The following ST3GAL3 variants were observed in gnomAD, a reference collection of about 807,000 sequenced individuals.
ST3GAL3 encodes ST3 beta-galactoside alpha-2,3-sialyltransferase 3.
A neutral mutation model predicts 50.1 loss-of-function variants in ST3GAL3; 21 were observed. The ratio of observed to expected loss-of-function variants is 0.42; its 90% CI spans 0.30 to 0.60. The LOEUF is 0.60. ST3GAL3 is among the 20% of genes least tolerant of loss of function. The probability of loss-of-function intolerance (pLI) is 0.19; values close to 1 mark genes in which losing one functional copy is unlikely to be tolerated. For synonymous variants in ST3GAL3, 183 were observed against 190.0 expected (o/e 0.96, Z 0.30); for missense variants, 353 against 489.4 (o/e 0.72, Z 2.63).
intron 9 of ST3GAL3, among the ~76,000 whole-genome samples, chr1:43,908,629 C>T (rs2080233147): frequency 7.1e-6 from 1 of 140,676 alleles, no homozygotes; most frequent in Admixed American, 7.2e-5. Context: ...CCTTGCCACT[C>T]TTTTTTTTTT....
rs567581878 is a variant in ST3GAL3 at position 43,725,195 on chromosome 1, TTTTTC to T, written c.-30-11024_-30-11020del. 6.3e-4 allele frequency among the ~76,000 whole-genome samples: 96 copies of T among 152,004 alleles called. No homozygotes were observed. In the East Asian group the frequency reaches 0.016, roughly 26 times the overall value. Reference sequence around the variant, plus strand: ...ACTCTTTACCTGCATGCTTTTTTCTTTTTTCTTTTCTTTTCTTTCTTTTTTTTGAG... The same window carrying T: ...ACTCTTTACCTGCATGCTTTTTTCTTTTTTCTTTTCTTTCTTTTTTTTGAG... On this transcript the variant is annotated intron_variant, in intron 1 of 11. Coordinates refer to ENST00000347631, the MANE Select transcript of ST3GAL3 (RefSeq NM_006279.5).
rs903677371 is a variant in ST3GAL3, at chr1:43,892,264, AT to A, written c.303-2108del. 3.2e-3 allele frequency among the ~76,000 whole-genome samples: 462 copies of A among 146,592 alleles called. 3 individuals are homozygous for A. The highest frequency in any genetic ancestry group is 0.011 in the African/African-American group (433 of 39,982). On this transcript the variant is annotated intron_variant, in intron 5 of 11. Transcript: ENST00000347631. ...AGCCTGAACCCAATCTTGATCAATAATTTTTTTTTTTGAGGCAAGTTCTCAC... is the reference window on the plus strand; with the variant it reads ...AGCCTGAACCCAATCTTGATCAATAATTTTTTTTTTGAGGCAAGTTCTCAC...
At chr1:43,835,471 A>G (rs939808507) in intron 4 of ST3GAL3, among the ~76,000 whole-genome samples, 7 of 152,140 alleles carry the variant, frequency 4.6e-5, no homozygotes, top group Admixed American at 2.6e-4. Flanking sequence ...CGCTTTCTAA[A>G]TGAGGGGTTG....
chr1:43,797,434 C>T (rs1249667021), intron 3 of ST3GAL3, among the ~76,000 whole-genome samples: 1 of 152,030 alleles, frequency 6.6e-6, no homozygotes, highest in Non-Finnish European at 1.5e-5. Flanking sequence ...ATGGCTAAAA[C>T]GTCCCAAATT....
chr1:43,826,557 G>C (rs1344576765), intron 4 of ST3GAL3, among the ~76,000 whole-genome samples: 1 of 152,100 alleles, frequency 6.6e-6, no homozygotes, highest in Non-Finnish European at 1.5e-5. Context: ...GAAAATCAAA[G>C]CAGAAAGAAC....
intron 5 of ST3GAL3, among the ~76,000 whole-genome samples, chr1:43,868,604 G>A (rs1269863581): frequency 6.6e-6 from 1 of 152,118 alleles, no homozygotes; most frequent in East Asian, 1.9e-4. Flanking sequence ...GGAGCAGTTA[G>A]GAACAGTATC....
intron 9 of ST3GAL3, among the ~76,000 whole-genome samples, chr1:43,903,465 C>T (rs983708748): frequency 5.3e-5 from 8 of 152,206 alleles, no homozygotes; most frequent in Admixed American, 1.3e-4. Flanking sequence ...CTCCTCCCCA[C>T]TCCTAAAACC....
chr1:43,905,202 T>C (rs1222946838), intron 9 of ST3GAL3, among the ~76,000 whole-genome samples: 70 of 69,268 alleles, frequency 1.0e-3, no homozygotes, highest in African/African-American at 1.9e-3. Context: ...CCACTCTTCC[T>C]CCCCCTCCTC....
Position 43,899,619 on chromosome 1 carries a change from C to T in ST3GAL3, c.636C>T (p.Gly212=), listed in dbSNP as rs12140044. The part of the protein sequence containing the change: ...KTTLRITYPE[G]AMQRPEQYER... ...CACTGCGCATCACCTACCCCGAGGG[C>T]GCCATGCAGCGGCCTGAGCAGTACG... Residue 212 remains glycine (G), a synonymous_variant, in exon 9 of 12, where the codon GGC becomes GGT. Coordinates refer to ENST00000347631, the MANE Select transcript of ST3GAL3 (RefSeq NM_006279.5). The surrounding 1 kb of genome is among the most constrained non-coding windows in gnomAD (Gnocchi z 5.4). The T allele has an allele frequency of 5.6e-3, 9,112 of 1,614,132 alleles. 42 individuals are homozygous for T. Among genetic ancestry groups the T allele is most frequent in the Non-Finnish European group, 6.8e-3 (8,013 of 1,180,030 alleles).
At chr1:43,752,949 A>G (rs1686722051) in intron 2 of ST3GAL3, among the ~76,000 whole-genome samples, 1 of 152,252 alleles carries the variant, frequency 6.6e-6, no homozygotes, top group African/African-American at 2.4e-5. Flanking sequence ...AAGATTATTC[A>G]TATTTGAACA....
In ST3GAL3 at chr1:43,930,355, G is replaced by C. The variant is rs1018707704; in HGVS notation, c.*134G>C. ...GGGGCAGCAAGGCCTTGGTGGAGCA[G>C]CCAGAGCTGTGCCTGCTCAGCAGCC... On this transcript the variant is annotated 3_prime_UTR_variant, in exon 12 of 12. Coordinates refer to ENST00000347631, the MANE Select transcript of ST3GAL3 (RefSeq NM_006279.5). 1.2e-6 allele frequency: 1 copy of C among 837,416 alleles called. No individual in the cohort carries two copies. The highest frequency in any genetic ancestry group is 1.9e-5 in the Admixed American group (1 of 53,702). 51.9% of individuals were successfully genotyped at this position (837,416 alleles called of 1,614,324 possible).
intron 5 of ST3GAL3, chr1:43,839,840 A>T (rs1010997136): frequency 1.2e-4 from 19 of 152,218 alleles, no homozygotes; most frequent in African/African-American, 4.6e-4. Flanking sequence ...CAAAAGCAGG[A>T]GCAAGTGAGT....
At position 43,842,797 on chromosome 1, in the gene ST3GAL3, CAAA is replaced by C. The variant is rs71036642; in HGVS notation, c.302+4505_302+4507del. The C allele has an allele frequency of 5.4e-3, 556 of 103,360 alleles. 6 individuals carry two copies. The highest frequency in any genetic ancestry group is 0.026 in the Admixed American group (264 of 10,332). The allele number at this position is 103,360 out of a possible 1,614,324, so 6.4% of individuals were successfully genotyped here. On this transcript the variant is annotated intron_variant, in intron 5 of 11. Coordinates refer to ENST00000347631, the MANE Select transcript of ST3GAL3 (RefSeq NM_006279.5). The stretch of plus-strand genomic sequence containing the variant: ...CTCTACACAAAGCAAGACTCCATCT[CAAA>C]AAAAAAAAAAAAAAAAAAGTTTACA...
At chr1:43,773,738 C>T (rs948772346) in intron 2 of ST3GAL3, among the ~76,000 whole-genome samples, 1 of 152,186 alleles carries the variant, frequency 6.6e-6, no homozygotes, top group African/African-American at 2.4e-5. Context: ...AGACAATGGA[C>T]TTAATTCTTA....
chr1:43,861,028 T>C (rs999018795), intron 5 of ST3GAL3, among the ~76,000 whole-genome samples: 3 of 152,244 alleles, frequency 2.0e-5, no homozygotes, highest in Admixed American at 2.0e-4. Context: ...TGGCTTGACC[T>C]TGTGTGCCTG....
At chr1:43,735,564 G>A (rs549564037) in intron 1 of ST3GAL3, among the ~76,000 whole-genome samples, 20 of 152,260 alleles carry the variant, frequency 1.3e-4, no homozygotes, top group South Asian at 4.1e-4. Flanking sequence ...TTCAGCCAAC[G>A]GCCTGAGTGA....
In ST3GAL3 at chr1:43,899,258, G is replaced by A. The variant is rs772408974; in HGVS notation, c.552G>A (p.Val184=). 56 of 1,614,070 alleles carry A rather than the reference G, an allele frequency of 3.5e-5. No individual in the cohort carries two copies. Among genetic ancestry groups the A allele is most frequent in the Non-Finnish European group, 4.6e-5 (54 of 1,180,048 alleles). The change falls in exon 8 of 12, where the codon GTG becomes GTA. Residue 184 remains valine, a synonymous_variant. Coordinates refer to ENST00000347631, the MANE Select transcript of ST3GAL3 (RefSeq NM_006279.5). The surrounding 1 kb of genome is among the most constrained non-coding windows in gnomAD (Gnocchi z 5.4). ...CACGAATTGACGACTATGACATTGT[G>A]GTGAGGTGAGCTCCCCAAAATGGCA... ...LGSRIDDYDI[V]VRLNSAPVKG...
rs2077857161 is a variant in ST3GAL3 at position 43,899,231 on chromosome 1, G to A, written c.525G>A (p.Gly175=). The change falls in exon 8 of 12, where the codon GGG becomes GGA. Residue 175 remains glycine (G), a synonymous_variant. Transcript: ENST00000347631. The surrounding 1 kb of genome is among the most constrained non-coding windows in gnomAD (Gnocchi z 5.4). The stretch of plus-strand genomic sequence containing the variant: ...GCGTTCTTGCCAACAAGTCTCTGGG[G>A]TCACGAATTGACGACTATGACATTG... ...NGGVLANKSL[G]SRIDDYDIVV... is the part of the protein sequence containing the mutation. The A allele has an allele frequency of 1.2e-6, 2 of 1,614,224 alleles. No individual in the cohort carries two copies. The highest frequency in any genetic ancestry group is 2.2e-5 in the South Asian group (2 of 91,086).
chr1:43,774,736 C>T (rs1368550837), intron 2 of ST3GAL3, among the ~76,000 whole-genome samples: 1 of 152,120 alleles, frequency 6.6e-6, no homozygotes, highest in Non-Finnish European at 1.5e-5. Context: ...TGACCTGTTT[C>T]CAGATCCTGT....
Sources: allele counts gnomAD v4.1 joint callset (sites outside exome capture counted in the v4.1 genomes callset), GRCh38; gene constraint gnomAD v4.1.1; non-coding constraint Gnocchi (gnomAD v3.1); transcripts MANE v1.5; gene names NCBI Gene and HGNC (gene_info 2026-07-23, HGNC 2026-07-21).